Variants in DPY19L1 observed in about 807,000 individuals in gnomAD.
DPY19L1 encodes dpy-19 like C-mannosyltransferase 1.
DPY19L1 carries 35 observed loss-of-function variants against 96.9 expected under a neutral mutation model. That is an observed-to-expected ratio of 0.36 (90% CI 0.28 to 0.48). The LOEUF (loss-of-function observed/expected upper bound fraction) is 0.48, where lower values mean the gene tolerates loss of function less well. DPY19L1 is among the 20% of genes least tolerant of loss of function. The pLI is 0.99. For missense variants in DPY19L1, 521 were observed against 777.9 expected, an observed-to-expected ratio of 0.67 and a Z score of 3.93; for synonymous variants, 205 against 252.6, an observed-to-expected ratio of 0.81 and a Z score of 1.79.
Position 34,973,639 on chromosome 7 carries a change from C to T in DPY19L1, c.823-34G>A, listed in dbSNP as rs562495814. 19 of 1,167,826 alleles carry T rather than the reference C, an allele frequency of 1.6e-5. No individual in the cohort carries two copies. In the South Asian group the frequency reaches 4.2e-4, roughly 26 times the overall value. 72.3% of individuals were successfully genotyped at this position (1,167,826 alleles called of 1,614,324 possible). A position where few individuals can be genotyped will look rare whatever the true frequency, so the allele number is the denominator to read the frequency against. ...AAAAATTTGTAGTATAGTATACTTG[C>T]TAAATTTACTAAGACATTCCAAGTA... On this transcript the variant is annotated intron_variant, in intron 7 of 21. Transcript: ENST00000638088.
At chr7:35,015,919 A>T (rs1205608439) in intron 3 of DPY19L1, among the ~76,000 whole-genome samples, 1 of 152,252 alleles carries the variant, frequency 6.6e-6, no homozygotes, top group Admixed American at 6.5e-5. Context: ...CACATTTTTA[A>T]TTATACCTTT....
intron 21 of DPY19L1, among the ~76,000 whole-genome samples, chr7:34,933,124 C>A (rs1379818612): frequency 6.6e-6 from 1 of 151,974 alleles, no homozygotes; most frequent in East Asian, 1.9e-4. Flanking sequence ...CAGCATATAT[C>A]CTGCTGGACC....
intron 1 of DPY19L1, among the ~76,000 whole-genome samples, chr7:35,036,815 C>T (rs1196205569): frequency 6.6e-6 from 1 of 151,656 alleles, no homozygotes; most frequent in Non-Finnish European, 1.5e-5. Context: ...TGCCCGCGGC[C>T]AGGCCGGGCA....
intron 7 of DPY19L1, among the ~76,000 whole-genome samples, chr7:34,989,582 C>A (rs1165473586): frequency 2.6e-5 from 4 of 151,888 alleles, no homozygotes; most frequent in African/African-American, 9.7e-5. Flanking sequence ...TGATCTACCA[C>A]TGCACTCCAG....
intron 7 of DPY19L1, among the ~76,000 whole-genome samples, chr7:34,983,434 A>C (rs1784981513): frequency 6.6e-6 from 1 of 152,064 alleles, no homozygotes. Context: ...AGGAAATTTC[A>C]ACAGAAAAAT....
At chr7:35,006,578 T>G (rs188365340) in intron 6 of DPY19L1, among the ~76,000 whole-genome samples, 6 of 152,272 alleles carry the variant, frequency 3.9e-5, no homozygotes, top group Non-Finnish European at 8.8e-5. Flanking sequence ...CAGGGTATCT[T>G]ATGAAATACA....
At chr7:35,018,969 A>G (rs975738936) in intron 1 of DPY19L1, among the ~76,000 whole-genome samples, 3 of 152,298 alleles carry the variant, frequency 2.0e-5, no homozygotes, top group South Asian at 2.1e-4. Flanking sequence ...GGTGGAAGAA[A>G]AAAGGGAACT....
chr7:34,954,607 CATTTA>C, intron 13 of DPY19L1, 86 bp downstream of exon 13: 1 of 686,716 alleles, frequency 1.5e-6, no homozygotes, highest in Non-Finnish European at 2.5e-6. Context: ...CCTAGAATTT[CATTTA>C]ATAGTGATAC....
rs534975098 is a variant in DPY19L1 at position 34,980,001 on chromosome 7, T to C, written c.823-6396A>G. The stretch of plus-strand genomic sequence containing the variant: ...AAGGTTGGAGATCTTCACTATGAGA[T>C]ATTGAACTTATAAAGCTACAATATT... On this transcript the variant is annotated intron_variant, in intron 7 of 21. Transcript: ENST00000638088. Among the ~76,000 whole-genome samples, 37 of 152,254 alleles carry C rather than the reference T, an allele frequency of 2.4e-4. 1 individual carries two copies. The South Asian group carries it at 6.8e-3, about 28-fold the overall frequency.
At chr7:34,979,782 G>T (rs1372556416) in intron 7 of DPY19L1, among the ~76,000 whole-genome samples, 1 of 152,062 alleles carries the variant, frequency 6.6e-6, no homozygotes, top group Non-Finnish European at 1.5e-5. Context: ...TAAAGGAGAC[G>T]AATATAAATC....
Position 34,989,963 on chromosome 7 carries a change from C to T in DPY19L1, c.765-22G>A, listed in dbSNP as rs184637146. On this transcript the variant is annotated intron_variant, in intron 6 of 21. Coordinates refer to ENST00000638088, the MANE Select transcript of DPY19L1 (RefSeq NM_001366673.1). Reference sequence around the variant, plus strand: ...GCCACTGGAAAAGAAGAAAACATAACTCAAATAACAAAAATTCAGGTCAAT... The same window carrying T: ...GCCACTGGAAAAGAAGAAAACATAATTCAAATAACAAAAATTCAGGTCAAT... 3.1e-6 allele frequency: 5 copies of T among 1,598,258 alleles called. No individual in the cohort carries two copies. The Admixed American group carries it at 5.3e-5, about 17-fold the overall frequency.
chr7:34,934,909 G>A (rs1783834270), intron 21 of DPY19L1, among the ~76,000 whole-genome samples: 1 of 152,122 alleles, frequency 6.6e-6, no homozygotes, highest in African/African-American at 2.4e-5. Flanking sequence ...CTGCTCTAGA[G>A]GCAACATTAT....
intron 21 of DPY19L1, among the ~76,000 whole-genome samples, chr7:34,936,245 G>A (rs1357806010): frequency 1.3e-5 from 2 of 151,778 alleles, no homozygotes; most frequent in Non-Finnish European, 2.9e-5. Flanking sequence ...TCTTGTGTGG[G>A]TAAAACAGTG....
upstream of DPY19L1, chr7:35,038,035 C>A: frequency 1.6e-6 from 1 of 643,702 alleles, no homozygotes; most frequent in Non-Finnish European, 2.2e-6. Flanking sequence ...GGAGCGGCCA[C>A]TTAGGGGCGC....
intron 18 of DPY19L1, 26 bp from the exon 19 acceptor site, chr7:34,940,353 G>T (rs1173370469): frequency 1.9e-6 from 3 of 1,591,790 alleles, no homozygotes; most frequent in Non-Finnish European, 2.6e-6. Flanking sequence ...GAATACATTG[G>T]TAATTGTTAG....
chr7:34,931,438 A>G lies in DPY19L1; in HGVS notation c.*135T>C. On this transcript the variant is annotated 3_prime_UTR_variant, in exon 22 of 22. Coordinates refer to ENST00000638088, the MANE Select transcript of DPY19L1 (RefSeq NM_001366673.1). ...TTTTTATAATTAGAATGACATTCAA[A>G]TTGACCAAATAAAACGTTTTCTATT... 8.2e-7 allele frequency: 1 copy of G among 1,219,422 alleles called. No homozygotes were observed. Among genetic ancestry groups the G allele is most frequent in the Non-Finnish European group, 1.1e-6 (1 of 922,892 alleles). 75.5% of individuals were successfully genotyped at this position (1,219,422 alleles called of 1,614,324 possible).
At chr7:34,968,398 C>T (rs1784654362) in intron 9 of DPY19L1, among the ~76,000 whole-genome samples, 2 of 152,020 alleles carry the variant, frequency 1.3e-5, no homozygotes, top group South Asian at 2.1e-4. Context: ...ACTATTTTAT[C>T]CAAGTTAAGA....
At chr7:34,954,101 C>T (rs1784324611) in intron 13 of DPY19L1, among the ~76,000 whole-genome samples, 1 of 152,108 alleles carries the variant, frequency 6.6e-6, no homozygotes, top group Non-Finnish European at 1.5e-5. Flanking sequence ...TGATAGCCTC[C>T]TGACTTAGGA....
intron 21 of DPY19L1, among the ~76,000 whole-genome samples, chr7:34,932,920 C>G (rs1287099519): frequency 2.6e-5 from 4 of 151,790 alleles, no homozygotes; most frequent in Non-Finnish European, 5.9e-5. Context: ...AGTAGCAGTC[C>G]CTCCCTCACT....
Sources: gnomAD v4.1 joint callset for allele counts (sites outside exome capture counted in the v4.1 genomes callset) on GRCh38, gnomAD v4.1.1 for gene constraint, MANE v1.5 for transcripts, NCBI Gene and HGNC (gene_info 2026-07-23, HGNC 2026-07-21) for gene names.